Variants in SHANK2 observed in about 807,000 individuals in gnomAD.
SHANK2 encodes SH3 and multiple ankyrin repeat domains 2, also known as SH3 and multiple ankyrin repeat domains protein 2.
In SHANK2, 43 loss-of-function variants were observed where a neutral mutation model predicts 133.7. The ratio of observed to expected loss-of-function variants is 0.32; its 90% CI spans 0.25 to 0.41. The LOEUF is 0.41. Among genes scored for constraint, SHANK2 ranks in the 10% least tolerant of loss-of-function variants. The probability of loss-of-function intolerance (pLI) is 1.00; values close to 1 mark genes in which losing one functional copy is unlikely to be tolerated. For missense variants in SHANK2, 1,994 were observed against 2,235.8 expected (o/e 0.89, Z 2.18); for synonymous variants, 1,017 against 952.8 (o/e 1.07, Z -1.24).
intron 15 of SHANK2, among the ~76,000 whole-genome samples, chr11:70,690,812 C>T (rs1251106859): frequency 6.6e-6 from 1 of 151,762 alleles, no homozygotes; most frequent in Non-Finnish European, 1.5e-5. Context: ...AGCATACTGG[C>T]AAGAACTATT....
chr11:70,837,987 A>AG (rs1255304631), intron 11 of SHANK2, among the ~76,000 whole-genome samples: 2 of 150,354 alleles, frequency 1.3e-5, no homozygotes, highest in African/African-American at 2.5e-5. Context: ...AAAAAAAAAA[A>AG]AAAAAAAAAA....
At chr11:71,194,150 G>A (rs528298994) in intron 2 of SHANK2, among the ~76,000 whole-genome samples, 1 of 152,178 alleles carries the variant, frequency 6.6e-6, no homozygotes, top group South Asian at 2.1e-4. Flanking sequence ...CCAGGATGGG[G>A]TGGACAGCAG....
At position 71,166,249 on chromosome 11, in the gene SHANK2, T is replaced by C. The variant is rs1209693270; in HGVS notation, c.-12-18911A>G. 4.6e-5 allele frequency among the ~76,000 whole-genome samples: 7 copies of C among 152,134 alleles called. 1 individual carries two copies. Among genetic ancestry groups the C allele is most frequent in the Admixed American group, 3.9e-4 (6 of 15,272 alleles). ...GGAACAAAAGGTCTGCAACAGATAG[T>C]CTGTGGGCTGTGCCACAAAGACGCC... On this transcript the variant is annotated intron_variant, in intron 2 of 25. Transcript: ENST00000601538.
chr11:70,846,672 G>A (rs1555063537), intron 11 of SHANK2, among the ~76,000 whole-genome samples: 1 of 152,198 alleles, frequency 6.6e-6, no homozygotes, highest in South Asian at 2.1e-4. Context: ...CCTCATCTCA[G>A]CACAGAAGGC....
intron 15 of SHANK2, among the ~76,000 whole-genome samples, chr11:70,676,584 AGCC>A (rs1388362412): frequency 1.3e-5 from 2 of 152,252 alleles, no homozygotes; most frequent in African/African-American, 2.4e-5. Flanking sequence ...TTGTGGTCTC[AGCC>A]ACTGTGAGTG....
chr11:70,726,176 A>G (rs1946178333), intron 14 of SHANK2, among the ~76,000 whole-genome samples: 1 of 152,048 alleles, frequency 6.6e-6, no homozygotes, highest in East Asian at 1.9e-4. Flanking sequence ...TCTTACCCGG[A>G]ACCTAACACA....
chr11:70,600,438 GA>G (rs1304876762), intron 17 of SHANK2, among the ~76,000 whole-genome samples: 1 of 125,378 alleles, frequency 8.0e-6, no homozygotes, highest in Non-Finnish European at 1.7e-5. Flanking sequence ...AAAAAAAAAA[GA>G]AAAGAAAAAG....
intron 8 of SHANK2, among the ~76,000 whole-genome samples, chr11:71,086,183 ATATAATATATTAAATTATATAATATAT>A (rs1951408823): frequency 2.8e-4 from 3 of 10,804 alleles, no homozygotes; most frequent in Admixed American, 2.2e-3. Context: ...ATATTATGTT[ATATAATATATTAAATTATATAATATAT>A]TATGTTATAT....
At chr11:70,768,167 G>A (rs115265074) in intron 14 of SHANK2, among the ~76,000 whole-genome samples, 1,567 of 152,286 alleles carry the variant, frequency 0.01, 24 homozygotes, top group African/African-American at 0.036. Context: ...CAAAGAGAAG[G>A]TGCAGCATGC....
At position 70,470,264 on chromosome 11, in the gene SHANK2, C is replaced by G. The variant is rs2058581498; in HGVS notation, c.*2605G>C. The stretch of plus-strand genomic sequence containing the variant: ...GGTCTATTACTTCTCTATAATAAGA[C>G]AGTGTAAAAATAAACTATGTTATCA... On this transcript the variant is annotated 3_prime_UTR_variant, in exon 26 of 26. Transcript: ENST00000601538. 6.6e-6 allele frequency: 1 copy of G among 152,360 alleles called. No individual in the cohort carries two copies. Among genetic ancestry groups the G allele is most frequent in the Non-Finnish European group, 1.5e-5 (1 of 68,040 alleles). 9.4% of individuals were successfully genotyped at this position (152,360 alleles called of 1,614,324 possible).
chr11:70,821,053 C>T (rs567309420), intron 11 of SHANK2, among the ~76,000 whole-genome samples: 249 of 152,302 alleles, frequency 1.6e-3, no homozygotes, highest in Non-Finnish European at 3.1e-3. Flanking sequence ...GAGCTGCCTG[C>T]CGCAAGATGC....
chr11:70,616,187 T>G (rs545626503), intron 17 of SHANK2, among the ~76,000 whole-genome samples: 2 of 152,262 alleles, frequency 1.3e-5, no homozygotes, highest in South Asian at 4.2e-4. Context: ...TTTGCTAGTT[T>G]GACATGATGC....
chr11:70,840,913 G>C (rs782312819), intron 11 of SHANK2, among the ~76,000 whole-genome samples: 7 of 152,156 alleles, frequency 4.6e-5, no homozygotes, highest in Non-Finnish European at 8.8e-5. Flanking sequence ...AGCTTGATAA[G>C]ACTTCACCTG....
intron 3 of SHANK2, among the ~76,000 whole-genome samples, chr11:71,137,538 C>T (rs187268766): frequency 3.4e-4 from 51 of 152,206 alleles, no homozygotes; most frequent in Middle Eastern, 3.4e-3. Context: ...ATTCTATCGC[C>T]GCCAGGGTGC....
chr11:71,211,123 G>C (rs140387718), intron 2 of SHANK2, among the ~76,000 whole-genome samples: 4,278 of 150,954 alleles, frequency 0.028, 74 homozygotes, highest in Middle Eastern at 0.052. Context: ...AGGCCCCGTG[G>C]CTACTCCATA....
intron 11 of SHANK2, among the ~76,000 whole-genome samples, chr11:70,868,220 G>A (rs190239163): frequency 3.9e-5 from 6 of 152,210 alleles, no homozygotes; most frequent in East Asian, 1.9e-4. Flanking sequence ...GAAGAAGGTG[G>A]GTCGCATAGA....
chr11:70,743,798 T>C (rs1475326039), intron 14 of SHANK2, among the ~76,000 whole-genome samples: 1 of 152,192 alleles, frequency 6.6e-6, no homozygotes, highest in East Asian at 1.9e-4. Context: ...CACCAATTCC[T>C]GTGGATTCAG....
In SHANK2 at chr11:71,165,127, G is replaced by A. The variant is rs112912681; in HGVS notation, c.-12-17789C>T. Among the ~76,000 whole-genome samples the A allele has an allele frequency of 3.1e-3, 470 of 150,998 alleles. 4 individuals carry two copies. The highest frequency in any genetic ancestry group is 0.015 in the Admixed American group (220 of 15,162). Reference sequence around the variant, plus strand: ...CGGTTCATTGCAACCTCCACCTCCCGGGTTCAAGTGATTCTCTTGTCTCAG... The same window carrying A: ...CGGTTCATTGCAACCTCCACCTCCCAGGTTCAAGTGATTCTCTTGTCTCAG... On this transcript the variant is annotated intron_variant, in intron 2 of 25. Transcript: ENST00000601538.
At chr11:70,777,814 A>C (rs192008112) in intron 14 of SHANK2, among the ~76,000 whole-genome samples, 110 of 152,346 alleles carry the variant, frequency 7.2e-4, no homozygotes, top group Non-Finnish European at 1.3e-3. Context: ...CATCACTGGG[A>C]AAGCTGCTTA....
Sources: allele counts gnomAD v4.1 joint callset (sites outside exome capture counted in the v4.1 genomes callset), GRCh38; gene constraint gnomAD v4.1.1; transcripts MANE v1.5; gene names NCBI Gene and HGNC (gene_info 2026-07-23, HGNC 2026-07-21).